The following FAM76A variants were observed in gnomAD, a reference collection of about 807,000 sequenced individuals.
FAM76A encodes family with sequence similarity 76 member A, also known as protein FAM76A.
In FAM76A, 32 loss-of-function variants were observed where a neutral mutation model predicts 46.2. That is an observed-to-expected ratio of 0.69 (90% CI 0.52 to 0.93). The LOEUF (loss-of-function observed/expected upper bound fraction) is 0.93, where lower values mean the gene tolerates loss of function less well. Among genes scored for constraint, FAM76A ranks in the 40% least tolerant of loss-of-function variants. FAM76A has a pLI of 0.00. For synonymous variants in FAM76A, 137 were observed against 127.0 expected (o/e 1.08, Z -0.53); for missense variants, 274 against 361.5 (o/e 0.76, Z 1.96).
At chr1:27,726,291 C>T (rs2087857551) in intron 1 of FAM76A, 130 bp downstream of exon 1, 9 of 807,610 alleles carry the variant, frequency 1.1e-5, no homozygotes, top group African/African-American at 1.8e-5. Flanking sequence ...TGAGGAGCCG[C>T]ACCCACCCCG....
intron 4 of FAM76A, chr1:27,739,927 GGTAACTTACCCT>G: frequency 4.5e-6 from 1 of 220,592 alleles, no homozygotes. Flanking sequence ...GGACTCATAG[GGTAACTTACCCT>G]TGGGAGCCAG....
chr1:27,726,300 C>T, intron 1 of FAM76A, 139 bp downstream of exon 1: 2 of 719,068 alleles, frequency 2.8e-6, no homozygotes, highest in Non-Finnish European at 3.8e-6. Context: ...GCACCCACCC[C>T]GCTGGGGGCC....
chr1:27,730,734 GT>G (rs2087942845), intron 2 of FAM76A, among the ~76,000 whole-genome samples: 1 of 152,092 alleles, frequency 6.6e-6, no homozygotes, highest in African/African-American at 2.4e-5. Flanking sequence ...CTACTCTGAG[GT>G]TTTTCTTTTG....
rs557590164 is a variant in FAM76A, at chr1:27,733,024, C to T, written c.201+367C>T. Among the ~76,000 whole-genome samples the T allele has an allele frequency of 2.0e-5, 3 of 152,106 alleles. No homozygotes were observed. The South Asian group carries it at 6.2e-4, about 32-fold the overall frequency. On this transcript the variant is annotated intron_variant, in intron 3 of 8. Coordinates refer to ENST00000373954, the MANE Select transcript of FAM76A (RefSeq NM_152660.3). Reference sequence around the variant, plus strand: ...TCAAGTTCACTGCAACCTCCACCTCCTGGGTTCAAGTGATTCTCCTGCCTC... The same window carrying T: ...TCAAGTTCACTGCAACCTCCACCTCTTGGGTTCAAGTGATTCTCCTGCCTC...
intron 4 of FAM76A, among the ~76,000 whole-genome samples, chr1:27,741,232 C>G (rs1216676948): frequency 7.5e-6 from 1 of 134,048 alleles, no homozygotes; most frequent in East Asian, 2.3e-4. Context: ...GAGTCTCACT[C>G]TGTCATCCAG....
intron 5 of FAM76A, among the ~76,000 whole-genome samples, chr1:27,748,749 G>A (rs2088287246): frequency 6.6e-6 from 1 of 152,090 alleles, no homozygotes; most frequent in Non-Finnish European, 1.5e-5. Context: ...CCAAAGTGCC[G>A]GGATTACAGG....
chr1:27,730,133 T>C (rs1394673713), intron 2 of FAM76A: 1 of 174,328 alleles, frequency 5.7e-6, no homozygotes, highest in African/African-American at 2.4e-5. Flanking sequence ...TACATACAAA[T>C]TAATTCAAGA....
chr1:27,733,388 CT>C (rs2087991666), intron 3 of FAM76A, among the ~76,000 whole-genome samples: 1 of 152,172 alleles, frequency 6.6e-6, no homozygotes, highest in African/African-American at 2.4e-5. Context: ...GCAAAGAGGC[CT>C]TTTCAGAAAT....
At chr1:27,734,225 G>T in intron 4 of FAM76A, 42 bp downstream of exon 4, 1 of 1,558,216 alleles carries the variant, frequency 6.4e-7, no homozygotes, top group Non-Finnish European at 8.7e-7. Flanking sequence ...TCCTTTCAGA[G>T]AAATTAAGGT....
At chr1:27,739,151 C>T in intron 4 of FAM76A, 2 of 368,130 alleles carry the variant, frequency 5.4e-6, no homozygotes, top group South Asian at 4.2e-5. Flanking sequence ...GCCACAATGA[C>T]AAGACCATTT....
intron 2 of FAM76A, among the ~76,000 whole-genome samples, chr1:27,728,690 G>A (rs111434197): frequency 0.067 from 10,154 of 152,196 alleles, 1,079 homozygotes; most frequent in African/African-American, 0.23. Flanking sequence ...GGCTGGGTAC[G>A]GTGGCTCATG....
chr1:27,754,168 G>A (rs540222120), intron 6 of FAM76A, among the ~76,000 whole-genome samples: 8 of 144,324 alleles, frequency 5.5e-5, no homozygotes, highest in East Asian at 2.0e-4. Context: ...GTGCAATGGC[G>A]CAATCTTGGC....
At chr1:27,729,750 T>C (rs2087923812) in intron 2 of FAM76A, among the ~76,000 whole-genome samples, 1 of 152,196 alleles carries the variant, frequency 6.6e-6, no homozygotes, top group South Asian at 2.1e-4. Context: ...AAATATTTGT[T>C]TGCAGCTCTT....
At chr1:27,755,407 T>G in intron 7 of FAM76A, 77 bp downstream of exon 7, 1 of 1,538,634 alleles carries the variant, frequency 6.5e-7, no homozygotes, top group African/African-American at 1.4e-5. Context: ...ATAATAACCC[T>G]TTTTAACTGA....
rs776749545 is a variant in FAM76A at position 27,744,686 on chromosome 1, A to G, written c.387A>G (p.Thr129=). Residue 129 remains threonine, a synonymous_variant, in exon 5 of 9, where the codon ACA becomes ACG. Transcript: ENST00000373954. ...GGAAATTGCTGTGCTGGCTGTGCAC[A>G]CTTTCATACAAACGGGTCCTTCAGA... is the stretch of plus-strand genomic sequence containing the variant. The part of the protein sequence containing the change: ...VDGKLLCWLC[T]LSYKRVLQKT... The G allele has an allele frequency of 5.0e-6, 8 of 1,614,138 alleles. No homozygotes were observed. The East Asian group carries it at 1.3e-4, about 27-fold the overall frequency.
At chr1:27,730,488 G>A (rs1198723447) in intron 2 of FAM76A, among the ~76,000 whole-genome samples, 2 of 151,564 alleles carry the variant, frequency 1.3e-5, no homozygotes, top group African/African-American at 4.9e-5. Context: ...GCCCAGCCTA[G>A]AGTTAGTTTT....
At chr1:27,749,866 C>T (rs936132969) in intron 6 of FAM76A, among the ~76,000 whole-genome samples, 5 of 152,168 alleles carry the variant, frequency 3.3e-5, no homozygotes, top group Non-Finnish European at 7.3e-5. Context: ...GAATGAGATG[C>T]ATTTGCATGT....
intron 1 of FAM76A, among the ~76,000 whole-genome samples, chr1:27,727,153 C>T (rs2087874648): frequency 6.6e-6 from 1 of 152,008 alleles, no homozygotes; most frequent in African/African-American, 2.4e-5. Context: ...ACAAGTAAAC[C>T]GCAAAATCAC....
intron 7 of FAM76A, among the ~76,000 whole-genome samples, chr1:27,756,105 T>C (rs899137028): frequency 6.6e-6 from 1 of 152,068 alleles, no homozygotes; most frequent in Admixed American, 6.6e-5. Context: ...TAATGTCTCT[T>C]TCTCTTCTCA....
Sources: gnomAD v4.1 joint callset for allele counts (sites outside exome capture counted in the v4.1 genomes callset) on GRCh38, gnomAD v4.1.1 for gene constraint, MANE v1.5 for transcripts, NCBI Gene and HGNC (gene_info 2026-07-23, HGNC 2026-07-21) for gene names.